The following ACYP2 variants were observed in gnomAD, a reference collection of about 807,000 sequenced individuals.
ACYP2 encodes acylphosphatase 2.
ACYP2 carries 12 observed loss-of-function variants against 11.2 expected under a neutral mutation model. The observed-to-expected ratio is 1.08, with a 90% confidence interval of 0.69 to 1.74. The LOEUF (loss-of-function observed/expected upper bound fraction) is 1.74, where lower values mean the gene tolerates loss of function less well. Among genes scored for constraint, ACYP2 ranks in the 40% most tolerant of loss-of-function variants. The pLI is 0.00. For synonymous variants in ACYP2, 43 were observed against 32.2 expected, an observed-to-expected ratio of 1.33 and a Z score of -1.13; for missense variants, 134 against 101.9, an observed-to-expected ratio of 1.31 and a Z score of -1.35.
chr2:54,190,804 A>C (rs991715551), intron 6 of ACYP2, among the ~76,000 whole-genome samples: 1 of 152,150 alleles, frequency 6.6e-6, no homozygotes, highest in Non-Finnish European at 1.5e-5. Flanking sequence ...TTGAGTGTCT[A>C]ACAGGCATAT....
chr2:54,005,584 C>G (rs537082014), intron 2 of ACYP2, among the ~76,000 whole-genome samples: 6 of 152,316 alleles, frequency 3.9e-5, no homozygotes, highest in African/African-American at 1.4e-4. Context: ...GGTGATCCAC[C>G]TGCCTCAGCC....
At chr2:53,981,602 A>T (rs1671766004) in intron 2 of ACYP2, among the ~76,000 whole-genome samples, 1 of 152,182 alleles carries the variant, frequency 6.6e-6, no homozygotes, top group Non-Finnish European at 1.5e-5. Flanking sequence ...CCACGCATAA[A>T]AAGGGGAGGG....
intron 6 of ACYP2, among the ~76,000 whole-genome samples, chr2:54,264,613 T>A (rs1687935607): frequency 6.6e-6 from 1 of 152,172 alleles, no homozygotes; most frequent in Non-Finnish European, 1.5e-5. Context: ...TCCAAGGTAA[T>A]TGCCCAAAAA....
intron 2 of ACYP2, among the ~76,000 whole-genome samples, chr2:54,016,602 T>C (rs991348641): frequency 1.4e-4 from 22 of 152,210 alleles, no homozygotes; most frequent in Admixed American, 1.4e-3. Flanking sequence ...TAGATCTCTG[T>C]CTTAGTCTGT....
intron 2 of ACYP2, among the ~76,000 whole-genome samples, chr2:54,037,515 A>T (rs6719990): frequency 0.094 from 14,328 of 152,018 alleles, 894 homozygotes; most frequent in African/African-American, 0.18. Flanking sequence ...GGCTCGAGCA[A>T]TCCAACCACC....
At chr2:54,017,272 C>CTTTTCTTTTCT (rs764249106) in intron 2 of ACYP2, among the ~76,000 whole-genome samples, 2 of 123,138 alleles carry the variant, frequency 1.6e-5, no homozygotes, top group Non-Finnish European at 3.2e-5. Flanking sequence ...CTTTTCTTTT[C>CTTTTCTTTTCT]TTTTTTTTTT....
At chr2:54,015,913 C>T (rs932369527) in intron 2 of ACYP2, among the ~76,000 whole-genome samples, 2 of 152,000 alleles carry the variant, frequency 1.3e-5, no homozygotes, top group Non-Finnish European at 2.9e-5. Context: ...GATTTTCCCA[C>T]CTCAGCCTCC....
At chr2:54,299,601 A>G (rs2104165735) in intron 6 of ACYP2, among the ~76,000 whole-genome samples, 1 of 151,650 alleles carries the variant, frequency 6.6e-6, no homozygotes, top group East Asian at 1.9e-4. Flanking sequence ...CAAAAAAAAA[A>G]AAAAAAAGAA....
intron 4 of ACYP2, among the ~76,000 whole-genome samples, chr2:54,086,624 T>C (rs907194297): frequency 6.6e-6 from 1 of 152,226 alleles, no homozygotes; most frequent in African/African-American, 2.4e-5. Flanking sequence ...ACTTATTACA[T>C]CAAGGAGCTG....
chr2:54,201,656 TTCTTTCTTTCTTTCTTTCTTTCTTTC>T (rs1558608968), intron 6 of ACYP2, among the ~76,000 whole-genome samples: 45 of 102,542 alleles, frequency 4.4e-4, no homozygotes, highest in African/African-American at 1.6e-3. Context: ...CTTTCTTTCT[TTCTTTCTTTCTTTCTTTCTTTCTTTC>T]TCTCTCTCTC....
chr2:54,214,889 A>C (rs765979808), intron 6 of ACYP2, among the ~76,000 whole-genome samples: 9 of 152,236 alleles, frequency 5.9e-5, no homozygotes, highest in South Asian at 2.1e-4. Context: ...TGAGCATGGA[A>C]TGTTTTTCCA....
At chr2:54,019,494 G>A (rs1020602870) in intron 2 of ACYP2, among the ~76,000 whole-genome samples, 1 of 151,800 alleles carries the variant, frequency 6.6e-6, no homozygotes, top group African/African-American at 2.4e-5. Context: ...CTCCAGCCTC[G>A]TTTTGCATAC....
intron 6 of ACYP2, among the ~76,000 whole-genome samples, chr2:54,215,945 T>C (rs1249718659): frequency 6.6e-6 from 1 of 152,212 alleles, no homozygotes; most frequent in East Asian, 1.9e-4. Flanking sequence ...TCTGTCAGTC[T>C]TGTTATGGTT....
At chr2:54,268,349 TAC>T (rs1414677317) in intron 6 of ACYP2, among the ~76,000 whole-genome samples, 1 of 152,196 alleles carries the variant, frequency 6.6e-6, no homozygotes, top group Non-Finnish European at 1.5e-5. Flanking sequence ...TTTCAGTAAA[TAC>T]AGTTTACTTA....
chr2:54,096,380 C>T (rs982940679), intron 4 of ACYP2, among the ~76,000 whole-genome samples: 1 of 150,648 alleles, frequency 6.6e-6, no homozygotes, highest in Non-Finnish European at 1.5e-5. Flanking sequence ...CTCCTCACGT[C>T]CCAGACGATG....
At chr2:54,123,637 C>T (rs1030460753) in intron 4 of ACYP2, among the ~76,000 whole-genome samples, 3 of 152,118 alleles carry the variant, frequency 2.0e-5, no homozygotes, top group African/African-American at 7.2e-5. Flanking sequence ...CCCACTTCTT[C>T]CTCCATCCCC....
At chr2:54,170,563 CA>C (rs1683180518) in intron 6 of ACYP2, among the ~76,000 whole-genome samples, 1 of 114,918 alleles carries the variant, frequency 8.7e-6, no homozygotes, top group East Asian at 3.1e-4. Flanking sequence ...TTTCTTAAAA[CA>C]GTTTTTTTTT....
chr2:54,082,222 A>G (rs1490090233), intron 4 of ACYP2, among the ~76,000 whole-genome samples: 1 of 152,026 alleles, frequency 6.6e-6, no homozygotes, highest in Admixed American at 6.6e-5. Flanking sequence ...AGTAAACATA[A>G]TTTGTACACA....
chr2:54,201,341 G>A (rs953616199), intron 6 of ACYP2, among the ~76,000 whole-genome samples: 2 of 152,012 alleles, frequency 1.3e-5, no homozygotes, highest in African/African-American at 4.8e-5. Context: ...TCCTGACCTC[G>A]TGATCCACCT....
Sources: allele counts gnomAD v4.1 joint callset (sites outside exome capture counted in the v4.1 genomes callset), GRCh38; gene constraint gnomAD v4.1.1; transcripts MANE v1.5; gene names NCBI Gene and HGNC (gene_info 2026-07-23, HGNC 2026-07-21).